The following TRAPPC9 variants were observed in gnomAD, a reference collection of about 807,000 sequenced individuals.
The protein encoded by TRAPPC9 is IKK2 binding protein.
A neutral mutation model predicts 124.0 loss-of-function variants in TRAPPC9; 83 were observed. That is an observed-to-expected ratio of 0.67 (90% CI 0.56 to 0.80). TRAPPC9 has a LOEUF of 0.80. Ranked by LOEUF, TRAPPC9 falls within the 30% of genes least tolerant of loss-of-function variation. The pLI, the probability that TRAPPC9 is intolerant of heterozygous loss-of-function variation, is 0.00. For synonymous variants in TRAPPC9, 638 were observed against 617.5 expected (o/e 1.03, Z -0.49); for missense variants, 1,302 against 1,508.3 (o/e 0.86, Z 2.27).
intron 16 of TRAPPC9, among the ~76,000 whole-genome samples, chr8:140,233,794 C>T (rs1443724522): frequency 6.6e-6 from 1 of 151,222 alleles, no homozygotes; most frequent in Non-Finnish European, 1.5e-5. Context: ...ACCCTTTTCA[C>T]CTATTTAAGT....
intron 16 of TRAPPC9, among the ~76,000 whole-genome samples, chr8:140,228,114 G>A (rs1301804280): frequency 1.3e-5 from 2 of 152,214 alleles, no homozygotes; most frequent in African/African-American, 4.8e-5. Context: ...TCTATGCAGG[G>A]ATGTGTCCAT....
intron 18 of TRAPPC9, among the ~76,000 whole-genome samples, chr8:140,016,428 C>A (rs1271536699): frequency 1.3e-5 from 2 of 152,168 alleles, no homozygotes; most frequent in Non-Finnish European, 2.9e-5. Flanking sequence ...TAACCCAAAT[C>A]CCTTCCCAGT....
chr8:139,992,009 C>T (rs191273605), intron 18 of TRAPPC9, among the ~76,000 whole-genome samples: 15 of 151,924 alleles, frequency 9.9e-5, no homozygotes, highest in South Asian at 4.2e-4. Flanking sequence ...AGGGCAGGAC[C>T]AATGGGGTTG....
At chr8:140,091,198 C>T (rs566631711) in intron 17 of TRAPPC9, among the ~76,000 whole-genome samples, 69 of 152,312 alleles carry the variant, frequency 4.5e-4, no homozygotes, top group African/African-American at 1.5e-3. Flanking sequence ...CCATGCATGT[C>T]GCTGCAGGCT....
Position 139,732,027 on chromosome 8 carries a change from C to T in TRAPPC9, c.3231G>A (p.Leu1077=), listed in dbSNP as rs1191008668. ...DHQNGVHNYD[L]HDTVSFVGSS... ...AGCCCACGAAGGAGACGGTGTCGTG[C>T]AGGTCGTAGTTGTGCACGCCGTTCT... Residue 1077 remains leucine (L), a synonymous_variant, in exon 22 of 23, where the codon CTG becomes CTA. Transcript: ENST00000438773. 5 of 1,602,638 alleles carry T rather than the reference C, an allele frequency of 3.1e-6. No homozygotes were observed. In the East Asian group the frequency reaches 9.0e-5, roughly 29 times the overall value.
intron 4 of TRAPPC9, among the ~76,000 whole-genome samples, chr8:140,432,165 A>G (rs1390943506): frequency 6.6e-6 from 1 of 152,086 alleles, no homozygotes; most frequent in Non-Finnish European, 1.5e-5. Context: ...CAACAGCGCC[A>G]CCTATGGCCA....
intron 7 of TRAPPC9, among the ~76,000 whole-genome samples, chr8:140,373,753 C>T (rs979680679): frequency 5.3e-5 from 8 of 151,666 alleles, no homozygotes; most frequent in African/African-American, 2.0e-4. Context: ...GTGGCTTTAA[C>T]TTCCATTTCC....
At chr8:140,418,909 T>C (rs145629306) in intron 5 of TRAPPC9, among the ~76,000 whole-genome samples, 1 of 152,266 alleles carries the variant, frequency 6.6e-6, no homozygotes, top group African/African-American at 2.4e-5. Flanking sequence ...TGTCTGAAAA[T>C]TAGTAGAATA....
At chr8:140,444,687 C>CCCA (rs1395187828) in intron 2 of TRAPPC9, among the ~76,000 whole-genome samples, 1 of 151,372 alleles carries the variant, frequency 6.6e-6, no homozygotes, top group African/African-American at 2.4e-5. Flanking sequence ...ATGGTGAGAC[C>CCCA]CCCCCCATCT....
At chr8:140,440,928 C>T (rs1371730846) in intron 2 of TRAPPC9, among the ~76,000 whole-genome samples, 1 of 151,442 alleles carries the variant, frequency 6.6e-6, no homozygotes, top group Non-Finnish European at 1.5e-5. Context: ...CCAACCTCTG[C>T]ACTTTGGGTT....
intron 17 of TRAPPC9, among the ~76,000 whole-genome samples, chr8:140,215,380 C>T (rs1036181914): frequency 7.2e-5 from 11 of 152,160 alleles, no homozygotes; most frequent in African/African-American, 2.7e-4. Flanking sequence ...CGGTGGCTCA[C>T]GCCTGTAATC....
At chr8:140,025,565 C>CAAAAAAAAAAAAAAAAAAAGAAAAAGG (rs11329773) in intron 17 of TRAPPC9, among the ~76,000 whole-genome samples, 1 of 123,850 alleles carries the variant, frequency 8.1e-6, no homozygotes, top group Non-Finnish European at 1.7e-5. Flanking sequence ...AAGCAAAATG[C>CAAAAAAAAAAAAAAAAAAAGAAAAAGG]AAAAAAAAAA....
intron 9 of TRAPPC9, among the ~76,000 whole-genome samples, chr8:140,329,295 A>T (rs2066830521): frequency 6.6e-6 from 1 of 152,178 alleles, no homozygotes; most frequent in Non-Finnish European, 1.5e-5. Flanking sequence ...TGAGAGAAAC[A>T]TCTGTTGGGA....
intron 7 of TRAPPC9, among the ~76,000 whole-genome samples, chr8:140,378,222 A>C (rs1459793339): frequency 1.3e-5 from 2 of 152,030 alleles, no homozygotes; most frequent in Non-Finnish European, 2.9e-5. Flanking sequence ...CTTAATACTA[A>C]GCGTCAACTT....
intron 21 of TRAPPC9, among the ~76,000 whole-genome samples, chr8:139,815,086 G>A (rs1824737341): frequency 6.6e-6 from 1 of 152,202 alleles, no homozygotes; most frequent in Non-Finnish European, 1.5e-5. Flanking sequence ...CAATCCCAGG[G>A]TTGCCTGTAA....
intron 14 of TRAPPC9, among the ~76,000 whole-genome samples, chr8:140,279,691 T>C (rs1479516369): frequency 1.3e-5 from 2 of 151,918 alleles, no homozygotes; most frequent in Non-Finnish European, 2.9e-5. Context: ...CGCACCCCCG[T>C]CACAGTGCAT....
chr8:140,009,400 A>C (rs984957530), intron 18 of TRAPPC9, among the ~76,000 whole-genome samples: 2 of 152,238 alleles, frequency 1.3e-5, no homozygotes, highest in African/African-American at 2.4e-5. Flanking sequence ...GATTTAAATG[A>C]TCTAAATAAA....
intron 17 of TRAPPC9, among the ~76,000 whole-genome samples, chr8:140,093,856 C>A (rs560702114): frequency 2.0e-5 from 3 of 152,270 alleles, no homozygotes; most frequent in Admixed American, 2.0e-4. Context: ...CATGGCCACA[C>A]ACCTAATTTC....
chr8:139,893,165 C>T (rs547342064), intron 20 of TRAPPC9, among the ~76,000 whole-genome samples: 4 of 152,210 alleles, frequency 2.6e-5, no homozygotes, highest in East Asian at 3.8e-4. Flanking sequence ...ACAGCCCTGG[C>T]GAGATGCCTC....
Sources: gnomAD v4.1 joint callset for allele counts (sites outside exome capture counted in the v4.1 genomes callset) on GRCh38, gnomAD v4.1.1 for gene constraint, MANE v1.5 for transcripts, NCBI Gene and HGNC (gene_info 2026-07-23, HGNC 2026-07-21) for gene names.